GRIA1: variants seen among roughly 807,000 people sequenced by gnomAD.
The protein encoded by GRIA1 is glutamate ionotropic receptor AMPA type subunit 1, also known as glutamate receptor 1.
GRIA1 carries 31 observed loss-of-function variants against 99.2 expected under a neutral mutation model. That is an observed-to-expected ratio of 0.31 (90% CI 0.23 to 0.42). GRIA1 has a LOEUF of 0.42. GRIA1 is among the 10% of genes least tolerant of loss of function. The probability of loss-of-function intolerance (pLI) is 1.00; values close to 1 mark genes in which losing one functional copy is unlikely to be tolerated. For missense variants in GRIA1, 782 were observed against 1,157.5 expected (o/e 0.68, Z 4.71); for synonymous variants, 438 against 432.4 (o/e 1.01, Z -0.16).
chr5:153,722,020 T>C (rs1033531965), intron 11 of GRIA1, among the ~76,000 whole-genome samples: 4 of 152,214 alleles, frequency 2.6e-5, no homozygotes, highest in Non-Finnish European at 2.9e-5. Flanking sequence ...TTTTAGCAAG[T>C]AGATGAGTTG....
At chr5:153,536,378 C>T (rs1413687255) in intron 2 of GRIA1, among the ~76,000 whole-genome samples, 2 of 152,126 alleles carry the variant, frequency 1.3e-5, no homozygotes, top group East Asian at 3.9e-4. Context: ...ATTAGCCTTC[C>T]CCCATTATAT....
At chr5:153,507,266 C>T (rs2113284618) in intron 2 of GRIA1, among the ~76,000 whole-genome samples, 1 of 152,164 alleles carries the variant, frequency 6.6e-6, no homozygotes, top group South Asian at 2.1e-4. Context: ...TGATGGAAGT[C>T]TTCACACCCC....
chr5:153,532,718 G>A (rs1758200299), intron 2 of GRIA1, among the ~76,000 whole-genome samples: 1 of 152,188 alleles, frequency 6.6e-6, no homozygotes, highest in African/African-American at 2.4e-5. Context: ...CTTAACCTGA[G>A]GATCTTGGTA....
chr5:153,495,025 A>G (rs1366630484), intron 2 of GRIA1, among the ~76,000 whole-genome samples: 1 of 152,204 alleles, frequency 6.6e-6, no homozygotes, highest in Admixed American at 6.5e-5. Flanking sequence ...TGTCTTTCTC[A>G]TAGTCCCACT....
Position 153,602,339 on chromosome 5 carries a change from A to G in GRIA1, c.221-44589A>G, listed in dbSNP as rs555639109. 4.0e-5 allele frequency among the ~76,000 whole-genome samples: 6 copies of G among 148,482 alleles called. No homozygotes were observed. In the East Asian group the frequency reaches 8.4e-4, roughly 21 times the overall value. ...GGTGGGAATTGAACAATGAGAACAC[A>G]TGGACACAGGAAGGGGAACATCACA... On this transcript the variant is annotated intron_variant, in intron 2 of 15. Coordinates refer to ENST00000285900, the MANE Select transcript of GRIA1 (RefSeq NM_000827.4).
intron 2 of GRIA1, among the ~76,000 whole-genome samples, chr5:153,586,001 C>T (rs1763453149): frequency 6.6e-6 from 1 of 151,942 alleles, no homozygotes; most frequent in Admixed American, 6.6e-5. Context: ...AAGCATTTGC[C>T]AATTTTCATG....
chr5:153,598,936 C>A (rs1394772192), intron 2 of GRIA1, among the ~76,000 whole-genome samples: 1 of 152,160 alleles, frequency 6.6e-6, no homozygotes, highest in Non-Finnish European at 1.5e-5. Flanking sequence ...GGCTGGAGTA[C>A]AGTGGCACAA....
intron 2 of GRIA1, among the ~76,000 whole-genome samples, chr5:153,503,287 GTTTAATGTGAGTTCTGACATTGACT>G (rs1308176028): frequency 6.6e-6 from 1 of 152,152 alleles, no homozygotes; most frequent in African/African-American, 2.4e-5. Context: ...GAGATAACTT[GTTTAATGTGAGTTCTGACATTGACT>G]TGCTGTGTAA....
At chr5:153,671,550 A>G (rs1756175683) in intron 5 of GRIA1, among the ~76,000 whole-genome samples, 1 of 152,200 alleles carries the variant, frequency 6.6e-6, no homozygotes, top group Admixed American at 6.5e-5. Flanking sequence ...CAAATCAGCT[A>G]CATCTGTGAA....
chr5:153,537,519 G>A (rs192339077), intron 2 of GRIA1, among the ~76,000 whole-genome samples: 121 of 152,266 alleles, frequency 7.9e-4, no homozygotes, highest in Admixed American at 1.2e-3. Context: ...CCCTTTCTGC[G>A]CTGCTGCCTA....
intron 5 of GRIA1, among the ~76,000 whole-genome samples, chr5:153,666,597 T>C (rs1755764606): frequency 6.6e-6 from 1 of 152,190 alleles, no homozygotes; most frequent in Non-Finnish European, 1.5e-5. Context: ...TTTTTACTTG[T>C]TGGTCTCTGT....
intron 2 of GRIA1, among the ~76,000 whole-genome samples, chr5:153,614,280 C>T (rs1766270602): frequency 6.6e-6 from 1 of 152,114 alleles, no homozygotes; most frequent in Non-Finnish European, 1.5e-5. Flanking sequence ...GGACAAAGAC[C>T]ATGTTTTCCC....
At chr5:153,739,994 T>G (rs916437113) in intron 11 of GRIA1, among the ~76,000 whole-genome samples, 1 of 152,220 alleles carries the variant, frequency 6.6e-6, no homozygotes, top group African/African-American at 2.4e-5. Flanking sequence ...TTAATATCTT[T>G]TTAAAATATA....
At chr5:153,633,709 G>A (rs934290661) in intron 2 of GRIA1, among the ~76,000 whole-genome samples, 2 of 152,102 alleles carry the variant, frequency 1.3e-5, no homozygotes, top group African/African-American at 4.8e-5. Flanking sequence ...TTTTACTTAT[G>A]AGGAAATAAC....
chr5:153,566,605 C>T (rs192090660), intron 2 of GRIA1, among the ~76,000 whole-genome samples: 6 of 150,618 alleles, frequency 4.0e-5, no homozygotes, highest in Non-Finnish European at 7.4e-5. Context: ...CATGCCCAGC[C>T]TCTTGTCCAT....
At chr5:153,491,090 G>A in intron 1 of GRIA1, 120 bp downstream of exon 1, 1 of 1,111,390 alleles carries the variant, frequency 9.0e-7, no homozygotes, top group Non-Finnish European at 1.4e-6. Context: ...CTAAAGCTGT[G>A]CTGCGGTAAC....
chr5:153,531,409 G>A lies in GRIA1; in HGVS notation c.220+37344G>A, dbSNP rs72800743. ...TCTGTGTATTCATCATATCTCTGAA[G>A]TCCAACCCCAAACCTCTCCAAGGCC... On this transcript the variant is annotated intron_variant, in intron 2 of 15. Transcript: ENST00000285900. Among the ~76,000 whole-genome samples, 550 of 152,274 alleles carry A rather than the reference G, an allele frequency of 3.6e-3. 2 individuals carry two copies. The highest frequency in any genetic ancestry group is 5.4e-3 in the Admixed American group (83 of 15,296).
At chr5:153,804,732 AATTTATTTATTTATTT>A (rs201693712) in intron 15 of GRIA1, among the ~76,000 whole-genome samples, 15,378 of 75,972 alleles carry the variant, frequency 0.2, 856 homozygotes, top group East Asian at 0.46. Context: ...TTAATTAATT[AATTTATTTATTTATTT>A]ATTTATTTAT....
At chr5:153,722,805 C>A (rs993798385) in intron 11 of GRIA1, among the ~76,000 whole-genome samples, 1 of 152,146 alleles carries the variant, frequency 6.6e-6, no homozygotes, top group Non-Finnish European at 1.5e-5. Context: ...GAGACTCCTA[C>A]GAGAAAATGT....
Sources: allele counts gnomAD v4.1 joint callset (sites outside exome capture counted in the v4.1 genomes callset), GRCh38; gene constraint gnomAD v4.1.1; transcripts MANE v1.5; gene names NCBI Gene and HGNC (gene_info 2026-07-23, HGNC 2026-07-21).